MAGI1: variants seen among roughly 807,000 people sequenced by gnomAD.
MAGI1 encodes membrane associated guanylate kinase, WW and PDZ domain containing 1.
MAGI1 carries 58 observed loss-of-function variants against 139.9 expected under a neutral mutation model. The ratio of observed to expected loss-of-function variants is 0.41; its 90% confidence interval spans 0.34 to 0.52. The LOEUF (loss-of-function observed/expected upper bound fraction) is 0.52. Ranked by LOEUF, MAGI1 falls within the 20% of genes least tolerant of loss-of-function variation. The pLI is 0.12. For missense variants in MAGI1, 1,874 were observed against 1,901.6 expected, an observed-to-expected ratio of 0.99 and a Z score of 0.27; for synonymous variants, 812 against 737.9, an observed-to-expected ratio of 1.10 and a Z score of -1.63.
intron 1 of MAGI1, among the ~76,000 whole-genome samples, chr3:65,787,506 ACT>A (rs1311254088): frequency 1.3e-5 from 2 of 150,736 alleles, no homozygotes; most frequent in African/African-American, 4.9e-5. Flanking sequence ...AAGGGAACTA[ACT>A]CTCACACATC....
At chr3:65,848,497 A>G (rs1559939720) in intron 1 of MAGI1, among the ~76,000 whole-genome samples, 1 of 152,192 alleles carries the variant, frequency 6.6e-6, no homozygotes, top group Non-Finnish European at 1.5e-5. Flanking sequence ...ATCTTTAATT[A>G]AAATACACTG....
At chr3:65,654,401 G>A (rs2085751434) in intron 1 of MAGI1, among the ~76,000 whole-genome samples, 2 of 152,168 alleles carry the variant, frequency 1.3e-5, no homozygotes, top group African/African-American at 2.4e-5. Context: ...TTGAATATTA[G>A]TGCCTGTGTG....
chr3:65,935,947 G>C (rs1240877358), intron 1 of MAGI1, among the ~76,000 whole-genome samples: 1 of 152,146 alleles, frequency 6.6e-6, no homozygotes, highest in Non-Finnish European at 1.5e-5. Flanking sequence ...AGGTGAACTC[G>C]GCAGATGAGT....
At chr3:65,479,416 C>T (rs1951109106) in intron 3 of MAGI1, among the ~76,000 whole-genome samples, 1 of 151,778 alleles carries the variant, frequency 6.6e-6, no homozygotes, top group African/African-American at 2.4e-5. Flanking sequence ...GTCACTCTTC[C>T]AGTAGTGGCC....
chr3:65,435,343 C>T (rs955643966), intron 10 of MAGI1, among the ~76,000 whole-genome samples: 17 of 151,942 alleles, frequency 1.1e-4, no homozygotes, highest in Admixed American at 7.9e-4. Flanking sequence ...AGACAAATAC[C>T]GTCTCAAGTC....
At chr3:66,025,326 C>T (rs937794099) in intron 1 of MAGI1, among the ~76,000 whole-genome samples, 9 of 152,212 alleles carry the variant, frequency 5.9e-5, no homozygotes, top group South Asian at 2.1e-4. Flanking sequence ...ATTGCTTGAG[C>T]CCAGGATTCT....
chr3:65,731,490 A>C (rs1448367120), intron 1 of MAGI1, among the ~76,000 whole-genome samples: 1 of 144,774 alleles, frequency 6.9e-6, no homozygotes, highest in Admixed American at 7.0e-5. Context: ...CTATCTCTTA[A>C]AAAAAAAAAA....
chr3:65,700,366 G>A (rs1451350627), intron 1 of MAGI1, among the ~76,000 whole-genome samples: 1 of 152,042 alleles, frequency 6.6e-6, no homozygotes, highest in African/African-American at 2.4e-5. Flanking sequence ...TGCTTGAACC[G>A]GGACCCAGGA....
intron 1 of MAGI1, among the ~76,000 whole-genome samples, chr3:65,678,147 A>G (rs1174188361): frequency 6.6e-6 from 1 of 152,104 alleles, no homozygotes; most frequent in Non-Finnish European, 1.5e-5. Context: ...ACAGGTGGGG[A>G]ACATCACACA....
intron 12 of MAGI1, among the ~76,000 whole-genome samples, chr3:65,413,261 C>T (rs1356486592): frequency 1.3e-5 from 2 of 152,102 alleles, no homozygotes; most frequent in African/African-American, 4.8e-5. Flanking sequence ...AGCTTTATTC[C>T]CAAACTGCTT....
intron 1 of MAGI1, among the ~76,000 whole-genome samples, chr3:65,644,590 T>C (rs760710030): frequency 3.3e-5 from 5 of 151,726 alleles, no homozygotes; most frequent in East Asian, 1.9e-4. Flanking sequence ...TAAAGATAAA[T>C]AGAAATTTTA....
intron 1 of MAGI1, among the ~76,000 whole-genome samples, chr3:65,802,292 T>C (rs2040563462): frequency 6.6e-6 from 1 of 152,188 alleles, no homozygotes; most frequent in African/African-American, 2.4e-5. Flanking sequence ...AGAAAAGGTC[T>C]GAACAAAATG....
intron 12 of MAGI1, among the ~76,000 whole-genome samples, chr3:65,407,340 G>A (rs1035196922): frequency 6.6e-6 from 1 of 151,858 alleles, no homozygotes; most frequent in Non-Finnish European, 1.5e-5. Context: ...CCAGCTACTC[G>A]GGAGGCTGAG....
intron 2 of MAGI1, among the ~76,000 whole-genome samples, chr3:65,587,334 A>G (rs1287693906): frequency 6.6e-6 from 1 of 152,184 alleles, no homozygotes; most frequent in Admixed American, 6.5e-5. Flanking sequence ...AGCCTATTTT[A>G]TAACAAAGTG....
At position 65,397,784 on chromosome 3, in the gene MAGI1, A is replaced by G. The variant is rs143344914; in HGVS notation, c.2199+3655T>C. Among the ~76,000 whole-genome samples the G allele has an allele frequency of 4.7e-4, 72 of 152,220 alleles. No individual in the cohort carries two copies. In the East Asian group the frequency reaches 0.012, roughly 25 times the overall value. On this transcript the variant is annotated intron_variant, in intron 13 of 22. Transcript: ENST00000402939. ...TTATGTGCGTACTTGCTTCCATGTT[A>G]TATTTCTGCTTTATTAATGCTCATC...
chr3:65,710,269 C>CTTTTT lies in MAGI1; in HGVS notation c.314-88186_314-88182dup, dbSNP rs1175790063. Reference sequence around the variant, plus strand: ...TGAATCACTTATTAACCTTACATTTCTTTTTTTTTTTTTTTTTTTTTTTTT... The same window carrying CTTTTT: ...TGAATCACTTATTAACCTTACATTTCTTTTTTTTTTTTTTTTTTTTTTTTTTTTTT... On this transcript the variant is annotated intron_variant, in intron 1 of 22. Coordinates refer to ENST00000402939, the MANE Select transcript of MAGI1 (RefSeq NM_001033057.2). Among the ~76,000 whole-genome samples, 47 of 66,910 alleles carry CTTTTT rather than the reference C, an allele frequency of 7.0e-4. 1 individual carries two copies. The highest frequency in any genetic ancestry group is 9.7e-4 in the Non-Finnish European group (34 of 35,224). 43.9% of individuals were successfully genotyped at this position (66,910 alleles called of 152,430 possible).
intron 2 of MAGI1, among the ~76,000 whole-genome samples, chr3:65,498,830 G>A (rs2076973609): frequency 6.6e-6 from 1 of 152,168 alleles, no homozygotes; most frequent in East Asian, 1.9e-4. Context: ...TTAGGAAACT[G>A]AATGTGAACT....
At chr3:65,911,452 T>C (rs2061666672) in intron 1 of MAGI1, among the ~76,000 whole-genome samples, 1 of 152,060 alleles carries the variant, frequency 6.6e-6, no homozygotes, top group South Asian at 2.1e-4. Context: ...TTTTCAGGTG[T>C]TTCTCAGATC....
In MAGI1 at chr3:65,740,497, C is replaced by T. The variant is rs568425288; in HGVS notation, c.314-118409G>A. Among the ~76,000 whole-genome samples, 5 of 152,316 alleles carry T rather than the reference C, an allele frequency of 3.3e-5. 1 individual carries two copies. The highest frequency in any genetic ancestry group is 1.2e-4 in the African/African-American group (5 of 41,568). On this transcript the variant is annotated intron_variant, in intron 1 of 22. Transcript: ENST00000402939. ...CCTTTGTTTCTAACAGCCATGCCTA[C>T]TTGCCTCTTCCAGGGAAGGTGAACA...
Sources: allele counts gnomAD v4.1 joint callset (sites outside exome capture counted in the v4.1 genomes callset), GRCh38; gene constraint gnomAD v4.1.1; transcripts MANE v1.5; gene names NCBI Gene and HGNC (gene_info 2026-07-23, HGNC 2026-07-21).